PCNX2: variants seen among roughly 807,000 people sequenced by gnomAD.
The protein encoded by PCNX2 is pecanex-like protein 2.
In PCNX2, 168 loss-of-function variants were observed where a neutral mutation model predicts 223.8. The ratio of observed to expected loss-of-function variants is 0.75; its 90% CI spans 0.66 to 0.85. PCNX2 has a LOEUF of 0.85. PCNX2 is among the 40% of genes least tolerant of loss of function. The pLI, the probability that PCNX2 is intolerant of heterozygous loss-of-function variation, is 0.00. For synonymous variants in PCNX2, 1,006 were observed against 1,052.6 expected (o/e 0.96, Z 0.86); for missense variants, 2,507 against 2,675.5 (o/e 0.94, Z 1.39).
chr1:233,213,816 C>G (rs75757345), intron 12 of PCNX2, among the ~76,000 whole-genome samples: 1 of 65,226 alleles, frequency 1.5e-5, no homozygotes, highest in Non-Finnish European at 2.8e-5. Context: ...CCAGTGCACT[C>G]TTTTTTTTTT....
intron 22 of PCNX2, among the ~76,000 whole-genome samples, chr1:233,093,651 C>T (rs1390104927): frequency 2.0e-5 from 3 of 151,870 alleles, no homozygotes; most frequent in Admixed American, 6.6e-5. Context: ...ATGAGGGGGC[C>T]GTCCATGGGT....
At chr1:233,191,186 G>A (rs898220891) in intron 15 of PCNX2, among the ~76,000 whole-genome samples, 3 of 152,146 alleles carry the variant, frequency 2.0e-5, no homozygotes, top group Non-Finnish European at 4.4e-5. Flanking sequence ...AATTATGGGC[G>A]TTCAGCATTT....
At chr1:233,205,651 G>A (rs989595064) in intron 13 of PCNX2, among the ~76,000 whole-genome samples, 6 of 151,786 alleles carry the variant, frequency 4.0e-5, no homozygotes, top group Non-Finnish European at 7.4e-5. Context: ...AACCTAGATC[G>A]TGCCTCTGCA....
At chr1:233,148,423 T>G (rs989515720) in intron 19 of PCNX2, among the ~76,000 whole-genome samples, 1 of 147,356 alleles carries the variant, frequency 6.8e-6, no homozygotes, top group Non-Finnish European at 1.5e-5. Context: ...TTCACTTTTT[T>G]TCTTTTCTTT....
chr1:233,102,982 T>TATGA, intron 21 of PCNX2, among the ~76,000 whole-genome samples: 1 of 151,926 alleles, frequency 6.6e-6, no homozygotes, highest in East Asian at 1.9e-4. Flanking sequence ...TTTCTTCTAG[T>TATGA]ATTGTTTCAT....
Position 233,198,945 on chromosome 1 carries a change from T to G in PCNX2, c.3060A>C (p.Ala1020=). Reference sequence around the variant, plus strand: ...CCATGGTCCTCACACCTACCTTCACTGCACTGAAGCAGACTGCGTGGAGCA... The same window carrying G: ...CCATGGTCCTCACACCTACCTTCACGGCACTGAAGCAGACTGCGTGGAGCA... The part of the protein sequence containing the change: ...AALLHAVCFS[A]VKEPWSMQHI... The change falls in exon 15 of 34, where the codon GCA becomes GCC. Residue 1020 remains alanine (A), a synonymous_variant. Coordinates refer to ENST00000258229, the MANE Select transcript of PCNX2 (RefSeq NM_014801.4). 2 of 1,603,938 alleles carry G rather than the reference T, an allele frequency of 1.2e-6. No individual in the cohort carries two copies.
chr1:233,233,011 G>A (rs1658160842), intron 9 of PCNX2: 1 of 985,292 alleles, frequency 1.0e-6, no homozygotes, highest in African/African-American at 1.7e-5. Flanking sequence ...GAGAGTAAAT[G>A]GAAGCGGAAA....
rs183467249 is a variant in PCNX2 at position 233,114,094 on chromosome 1, A to G, written c.3838-18231T>C. On this transcript the variant is annotated intron_variant, in intron 21 of 33. Coordinates refer to ENST00000258229, the MANE Select transcript of PCNX2 (RefSeq NM_014801.4). ...ATAATAAACAATTATAAAGTGTGTT[A>G]TAAGATGATGACGGCTATGACAAAA... 3.8e-3 allele frequency among the ~76,000 whole-genome samples: 581 copies of G among 152,374 alleles called. 1 individual carries two copies. The highest frequency in any genetic ancestry group is 5.7e-3 in the Non-Finnish European group (391 of 68,042).
intron 1 of PCNX2, among the ~76,000 whole-genome samples, chr1:233,275,510 A>C (rs1443398165): frequency 6.6e-6 from 1 of 152,132 alleles, no homozygotes; most frequent in African/African-American, 2.4e-5. Context: ...GCTGGAATAA[A>C]TGAATACTCT....
At chr1:233,016,687 C>A (rs764742491) in intron 27 of PCNX2, 68 of 825,496 alleles carry the variant, frequency 8.2e-5, no homozygotes, top group Non-Finnish European at 9.9e-5. Flanking sequence ...TTCGCTGGCC[C>A]TGAGCACTGC....
Position 233,262,406 on chromosome 1 carries a change from C to A in PCNX2, c.360-241G>T, listed in dbSNP as rs188895842. Among the ~76,000 whole-genome samples the A allele has an allele frequency of 1.6e-4, 24 of 152,262 alleles. No individual in the cohort carries two copies. In the East Asian group the frequency reaches 4.4e-3, roughly 28 times the overall value. On this transcript the variant is annotated intron_variant, in intron 2 of 33. Transcript: ENST00000258229. ...CTCCTGGACTCAAGTGATCCTCCCA[C>A]CTCAACCTCCCAAAATGCAAGGTTT...
the PCNX2 span, among the ~76,000 whole-genome samples, chr1:233,312,994 C>T: frequency 6.6e-6 from 1 of 151,880 alleles, no homozygotes; most frequent in Admixed American, 6.6e-5. Flanking sequence ...CTAACTCTTG[C>T]TAAACTGACT....
rs768587577 is a variant in PCNX2, at chr1:232,984,442, G to A, written c.6276C>T (p.Thr2092=). 64 of 1,613,460 alleles carry A rather than the reference G, an allele frequency of 4.0e-5. No individual in the cohort carries two copies. Among genetic ancestry groups the A allele is most frequent in the Non-Finnish European group, 5.2e-5 (61 of 1,179,786 alleles). ...LSEPCEPPDA[T]EQGQLHDRCL... Reference sequence around the variant, plus strand: ...ATCGGTCATGAAGCTGCCCCTGCTCGGTGGCATCAGGGGGCTCACATGGCT... The same window carrying A: ...ATCGGTCATGAAGCTGCCCCTGCTCAGTGGCATCAGGGGGCTCACATGGCT... The change falls in exon 34 of 34, where the codon ACC becomes ACT. Residue 2092 remains threonine, a synonymous_variant. Transcript: ENST00000258229.
At chr1:233,159,634 A>G (rs546326739) in intron 19 of PCNX2, among the ~76,000 whole-genome samples, 1 of 152,356 alleles carries the variant, frequency 6.6e-6, no homozygotes, top group African/African-American at 2.4e-5. Flanking sequence ...GGAATTACAG[A>G]GCAAGGAAAG....
the PCNX2 span, among the ~76,000 whole-genome samples, chr1:233,310,531 G>C: frequency 3.9e-5 from 6 of 152,166 alleles, no homozygotes; most frequent in Non-Finnish European, 5.9e-5. Context: ...ATGCAACTGA[G>C]TTCTGGAACA....
intron 19 of PCNX2, among the ~76,000 whole-genome samples, chr1:233,149,816 T>C (rs6424283): frequency 0.66 from 99,426 of 151,302 alleles, 33,141 homozygotes; most frequent in African/African-American, 0.77. Context: ...TTCAATTAAG[T>C]GAATTCAGGG....
intron 23 of PCNX2, among the ~76,000 whole-genome samples, chr1:233,087,583 T>C (rs1021603679): frequency 1.3e-5 from 2 of 152,186 alleles, no homozygotes; most frequent in African/African-American, 4.8e-5. Context: ...TAGAATGAGC[T>C]TTCCAGAGTG....
At chr1:233,013,815 G>A (rs567809514) in intron 28 of PCNX2, among the ~76,000 whole-genome samples, 4 of 152,154 alleles carry the variant, frequency 2.6e-5, no homozygotes, top group Non-Finnish European at 4.4e-5. Flanking sequence ...CCCACCCACA[G>A]AGGTGCTGAT....
chr1:233,233,471 T>G (rs1052628005), intron 9 of PCNX2, among the ~76,000 whole-genome samples: 2 of 147,674 alleles, frequency 1.4e-5, no homozygotes, highest in Non-Finnish European at 3.0e-5. Context: ...TGTGTGTGTA[T>G]TTTAAGTGAC....
Sources: gnomAD v4.1 joint callset for allele counts (sites outside exome capture counted in the v4.1 genomes callset) on GRCh38, gnomAD v4.1.1 for gene constraint, MANE v1.5 for transcripts, NCBI Gene and HGNC (gene_info 2026-07-23, HGNC 2026-07-21) for gene names.